The following EYA4 variants were observed in gnomAD, a reference collection of about 807,000 sequenced individuals.
The protein encoded by EYA4 is EYA transcriptional coactivator and phosphatase 4.
EYA4 carries 31 observed loss-of-function variants against 87.9 expected under a neutral mutation model. That is an observed-to-expected ratio of 0.35 (90% CI 0.27 to 0.48). The LOEUF (loss-of-function observed/expected upper bound fraction) is 0.48, where lower values mean the gene tolerates loss of function less well. Ranked by LOEUF, EYA4 falls within the 20% of genes least tolerant of loss-of-function variation. The probability of loss-of-function intolerance (pLI) is 0.99; values close to 1 mark genes in which losing one functional copy is unlikely to be tolerated. For synonymous variants in EYA4, 263 were observed against 270.6 expected, an observed-to-expected ratio of 0.97 and a Z score of 0.28; for missense variants, 678 against 761.4, an observed-to-expected ratio of 0.89 and a Z score of 1.29.
At chr6:133,429,799 G>T (rs1176163951) in intron 3 of EYA4, among the ~76,000 whole-genome samples, 2 of 152,162 alleles carry the variant, frequency 1.3e-5, no homozygotes, top group Admixed American at 1.3e-4. Flanking sequence ...GGGAAAAAAA[G>T]AAAGCTGTTT....
chr6:133,531,122 C>T lies in EYA4; in HGVS notation c.*2317C>T. 1.3e-6 allele frequency: 2 copies of T among 1,517,356 alleles called. No homozygotes were observed. Among genetic ancestry groups the T allele is most frequent in the Non-Finnish European group, 1.8e-6 (2 of 1,136,528 alleles). 94.0% of individuals were successfully genotyped at this position (1,517,356 alleles called of 1,614,324 possible). Reference sequence around the variant, plus strand: ...AAGTCTGTGGGTGCAGAAAGAAACACCCCTTGGAAGGGCAAAGAGAAGCCG... The same window carrying T: ...AAGTCTGTGGGTGCAGAAAGAAACATCCCTTGGAAGGGCAAAGAGAAGCCG... On this transcript the variant is annotated 3_prime_UTR_variant, in exon 20 of 20. Transcript: ENST00000355286.
chr6:133,380,959 C>A (rs1193432063), intron 2 of EYA4, among the ~76,000 whole-genome samples: 2 of 149,702 alleles, frequency 1.3e-5, no homozygotes, highest in Non-Finnish European at 1.5e-5. Flanking sequence ...TCCCTCTCCT[C>A]CTCCTCCTCT....
chr6:133,437,971 A>T (rs960031513), intron 3 of EYA4, among the ~76,000 whole-genome samples: 1 of 152,234 alleles, frequency 6.6e-6, no homozygotes. Context: ...ATATATACAC[A>T]GTAAAAACTG....
At chr6:133,356,889 GC>G (rs1303808341) in intron 2 of EYA4, among the ~76,000 whole-genome samples, 2 of 151,264 alleles carry the variant, frequency 1.3e-5, no homozygotes, top group African/African-American at 4.9e-5. Context: ...TGCACCCTGT[GC>G]CTCCCAGGTT....
At chr6:133,484,248 C>T (rs1466252088) in intron 13 of EYA4, among the ~76,000 whole-genome samples, 3 of 152,190 alleles carry the variant, frequency 2.0e-5, no homozygotes, top group African/African-American at 7.2e-5. Flanking sequence ...ATCTTTGGTT[C>T]CTTTACATAT....
chr6:133,288,371 A>C (rs1778235995), intron 2 of EYA4, among the ~76,000 whole-genome samples: 2 of 152,334 alleles, frequency 1.3e-5, no homozygotes, highest in South Asian at 2.1e-4. Context: ...AGCTTTGCTG[A>C]ACTTGGTAAC....
At chr6:133,411,513 A>T (rs1162619005) in intron 3 of EYA4, among the ~76,000 whole-genome samples, 1 of 152,174 alleles carries the variant, frequency 6.6e-6, no homozygotes, top group Admixed American at 6.5e-5. Flanking sequence ...ACACTTTGGC[A>T]CATTTAATTT....
intron 1 of EYA4, among the ~76,000 whole-genome samples, chr6:133,265,384 G>A (rs998582870): frequency 2.6e-5 from 4 of 151,882 alleles, no homozygotes; most frequent in Admixed American, 6.6e-5. Context: ...GAGATAGAGC[G>A]GGAACTAGAT....
At chr6:133,513,625 TA>T (rs1695855310) in intron 16 of EYA4, among the ~76,000 whole-genome samples, 1 of 152,180 alleles carries the variant, frequency 6.6e-6, no homozygotes, top group African/African-American at 2.4e-5. Flanking sequence ...AAAACCATTT[TA>T]TACCCCTTCA....
At chr6:133,393,791 A>G (rs951567820) in intron 3 of EYA4, among the ~76,000 whole-genome samples, 7 of 152,182 alleles carry the variant, frequency 4.6e-5, no homozygotes, top group African/African-American at 1.7e-4. Flanking sequence ...CCAACCAGGA[A>G]CACCTCTCTC....
At chr6:133,245,375 A>C (rs977567322) in intron 1 of EYA4, 3 of 152,226 alleles carry the variant, frequency 2.0e-5, no homozygotes, top group Non-Finnish European at 4.4e-5. Flanking sequence ...TTTCAGTGAG[A>C]ATATAATCTT....
At chr6:133,528,694 T>C (rs757560643) in intron 19 of EYA4, 31 bp from the exon 20 acceptor site, 7 of 1,462,484 alleles carry the variant, frequency 4.8e-6, no homozygotes, top group East Asian at 4.5e-5. Flanking sequence ...TCCCCTTCTC[T>C]CTCCCATCCC....
chr6:133,498,744 A>C (rs112703235), intron 13 of EYA4, among the ~76,000 whole-genome samples: 1 of 152,220 alleles, frequency 6.6e-6, no homozygotes, highest in South Asian at 2.1e-4. Flanking sequence ...CATAAATATC[A>C]TACATATGCA....
At chr6:133,443,356 T>G (rs1023016422) in intron 3 of EYA4, among the ~76,000 whole-genome samples, 53 of 152,030 alleles carry the variant, frequency 3.5e-4, no homozygotes, top group African/African-American at 1.1e-3. Context: ...ATTGGATCAA[T>G]TTTAATAAAT....
chr6:133,459,349 G>C (rs1794179377), intron 6 of EYA4, among the ~76,000 whole-genome samples: 1 of 152,042 alleles, frequency 6.6e-6, no homozygotes, highest in South Asian at 2.1e-4. Flanking sequence ...ATTCAGAATT[G>C]AGTTCATGTA....
intron 1 of EYA4, among the ~76,000 whole-genome samples, chr6:133,243,076 C>T (rs1314994949): frequency 8.4e-6 from 1 of 119,484 alleles, no homozygotes; most frequent in Non-Finnish European, 1.8e-5. Context: ...AGCAGTTCCA[C>T]GTGGAGCAAC....
chr6:133,499,869 G>A (rs1023333139), intron 13 of EYA4, among the ~76,000 whole-genome samples: 5 of 151,894 alleles, frequency 3.3e-5, no homozygotes, highest in East Asian at 1.9e-4. Flanking sequence ...AAGTCCAGCC[G>A]TCCTGTGGAA....
At chr6:133,244,639 AG>A (rs1452578334) in intron 1 of EYA4, among the ~76,000 whole-genome samples, 154 of 148,134 alleles carry the variant, frequency 1.0e-3, no homozygotes, top group African/African-American at 3.5e-3. Flanking sequence ...AAAAAAAAAA[AG>A]GAAAAACAAG....
At chr6:133,420,188 G>C (rs976577125) in intron 3 of EYA4, among the ~76,000 whole-genome samples, 95 of 151,354 alleles carry the variant, frequency 6.3e-4, no homozygotes, top group African/African-American at 2.2e-3. Flanking sequence ...ATTAAGAGAT[G>C]TTAATAGTGA....
Sources: gnomAD v4.1 joint callset for allele counts (sites outside exome capture counted in the v4.1 genomes callset) on GRCh38, gnomAD v4.1.1 for gene constraint, MANE v1.5 for transcripts, NCBI Gene and HGNC (gene_info 2026-07-23, HGNC 2026-07-21) for gene names.